The following SRCIN1 variants were observed in gnomAD, a reference collection of about 807,000 sequenced individuals.
SRCIN1 encodes P130Cas-associated protein.
In SRCIN1, 50 loss-of-function variants were observed where a neutral mutation model predicts 116.2. The observed-to-expected ratio is 0.43, with a 90% CI of 0.34 to 0.54. The LOEUF (loss-of-function observed/expected upper bound fraction) is 0.54, where lower values mean the gene tolerates loss of function less well. Ranked by LOEUF, SRCIN1 falls within the 20% of genes least tolerant of loss-of-function variation. SRCIN1 has a pLI of 0.02. For missense variants in SRCIN1, 1,446 were observed against 1,672.0 expected (o/e 0.86, Z 2.36); for synonymous variants, 736 against 750.0 (o/e 0.98, Z 0.30).
chr17:38,548,273 G>C (rs776099702), intron 17 of SRCIN1, among the ~76,000 whole-genome samples: 1 of 152,150 alleles, frequency 6.6e-6, no homozygotes, highest in Non-Finnish European at 1.5e-5. Context: ...CAGAATCTTC[G>C]GATACGGGAC....
chr17:38,547,415 C>G (rs898534819), intron 17 of SRCIN1, among the ~76,000 whole-genome samples: 2 of 152,192 alleles, frequency 1.3e-5, no homozygotes, highest in African/African-American at 4.8e-5. Context: ...TGGCCACACT[C>G]AGCCTTCGGG....
Position 38,564,266 on chromosome 17 carries a change from G to A in SRCIN1, c.393C>T (p.Asp131=), listed in dbSNP as rs374417442. 6.6e-5 allele frequency: 104 copies of A among 1,573,908 alleles called. No homozygotes were observed. Among genetic ancestry groups the A allele is most frequent in the Admixed American group, 1.5e-4 (8 of 54,652 alleles). The change falls in exon 4 of 19, where the codon GAC becomes GAT. Residue 131 remains aspartate, a synonymous_variant. Transcript: ENST00000617146. Reference sequence around the variant, plus strand: ...AGGCGTAGGACAGCTTTGCCGCCTGGTCTGCCAGCCCGGGCTGGGCTCCCT... The same window carrying A: ...AGGCGTAGGACAGCTTTGCCGCCTGATCTGCCAGCCCGGGCTGGGCTCCCT... ...HTQGAQPGLA[D]QAAKLSYASA... is the part of the protein sequence containing the mutation.
chr17:38,561,889 C>G lies in SRCIN1; in HGVS notation c.1274G>C (p.Gly425Ala), dbSNP rs2143185876. 6 of 1,445,544 alleles carry G rather than the reference C, an allele frequency of 4.2e-6. No homozygotes were observed. The highest frequency in any genetic ancestry group is 1.8e-6 in the Non-Finnish European group (2 of 1,115,390). The allele number at this position is 1,445,544 out of a possible 1,614,324, so 89.5% of individuals were successfully genotyped here. A position where few individuals can be genotyped will look rare whatever the true frequency, so the allele number is the denominator to read the frequency against. The change falls in exon 7 of 19, where the codon GGC becomes GCC. Residue 425 changes from glycine (G) to alanine (A), a missense_variant. By Grantham distance (60) the Gly-to-Ala change is moderately conservative. This residue lies in a region of SRCIN1 where 239 missense variants were observed against 317.7 expected (regional missense o/e 0.75). Transcript: ENST00000617146. The part of the protein sequence containing the change: ...GDPFAYPGAG[G>A]LYKRGSVRSL... Reference sequence around the variant, plus strand: ...GCGCACCGAGCCGCGCTTGTAGAGGCCGCCGGCGCCCGGGTAGGCGAACGG... The same window carrying G: ...GCGCACCGAGCCGCGCTTGTAGAGGGCGCCGGCGCCCGGGTAGGCGAACGG...
chr17:38,542,374 C>A, intron 18 of SRCIN1: 1 of 152,736 alleles, frequency 6.5e-6, no homozygotes. Flanking sequence ...CCTCAGTTTC[C>A]GCCCCCGTCA....
chr17:38,539,122 T>C (rs755844599), intron 18 of SRCIN1, among the ~76,000 whole-genome samples: 18 of 152,230 alleles, frequency 1.2e-4, no homozygotes, highest in Admixed American at 3.3e-4. Flanking sequence ...AAATATTTAC[T>C]GAGTGCCTAC....
At chr17:38,535,177 G>A (rs954610752) in intron 18 of SRCIN1, among the ~76,000 whole-genome samples, 5 of 150,760 alleles carry the variant, frequency 3.3e-5, no homozygotes, top group African/African-American at 4.9e-5. Flanking sequence ...AAGTTAAAGC[G>A]AAAATTCCCC....
chr17:38,577,243 T>G (rs779184979), intron 2 of SRCIN1, among the ~76,000 whole-genome samples: 2 of 152,184 alleles, frequency 1.3e-5, no homozygotes, highest in Non-Finnish European at 2.9e-5. Context: ...CCCAGCTAGA[T>G]GACAAATGCC....
At chr17:38,537,209 A>T (rs1210704366) in intron 18 of SRCIN1, among the ~76,000 whole-genome samples, 1 of 151,062 alleles carries the variant, frequency 6.6e-6, no homozygotes, top group African/African-American at 2.4e-5. Context: ...AAATAAAAAC[A>T]GCTGTGTGAA....
chr17:38,556,478 A>C (rs1192188449), intron 11 of SRCIN1, among the ~76,000 whole-genome samples: 1 of 152,268 alleles, frequency 6.6e-6, no homozygotes. Flanking sequence ...AACTTCCAGC[A>C]AGTTGCCAGG....
Position 38,578,724 on chromosome 17 carries a change from G to C in SRCIN1, c.90C>G (p.Thr30=), listed in dbSNP as rs754847741. The C allele has an allele frequency of 6.5e-7, 1 of 1,532,536 alleles. No homozygotes were observed. 94.9% of individuals were successfully genotyped at this position (1,532,536 alleles called of 1,614,324 possible). The change falls in exon 2 of 19, where the codon ACC becomes ACG. Residue 30 remains threonine (T), a synonymous_variant. Coordinates refer to ENST00000617146, the MANE Select transcript of SRCIN1 (RefSeq NM_025248.3). Reference sequence around the variant, plus strand: ...TGCCCCCGCCGCCCCCGCCCCCCAGGGTCCGGTACTCCCGCGGGTACTCCG... The same window carrying C: ...TGCCCCCGCCGCCCCCGCCCCCCAGCGTCCGGTACTCCCGCGGGTACTCCG... The part of the protein sequence containing the change: ...DDAEYPREYR[T]LGGGGGGGSG...
intron 15 of SRCIN1, among the ~76,000 whole-genome samples, chr17:38,549,888 C>G (rs558673958): frequency 6.6e-6 from 1 of 152,208 alleles, no homozygotes; most frequent in African/African-American, 2.4e-5. Context: ...CACACACACA[C>G]CTTCAGGCGT....
intron 1 of SRCIN1, among the ~76,000 whole-genome samples, chr17:38,597,843 C>T (rs564801314): frequency 1.3e-5 from 2 of 152,236 alleles, no homozygotes; most frequent in African/African-American, 2.4e-5. Flanking sequence ...GGCTCTGCCT[C>T]GTCCTAAGAG....
chr17:38,564,359 C>A (rs58304785), intron 3 of SRCIN1, 46 bp from the exon 4 acceptor site: 2 of 1,380,140 alleles, frequency 1.4e-6, no homozygotes, highest in Non-Finnish European at 9.5e-7. Context: ...TGAGCACCCC[C>A]CCTCCCCTTT....
In SRCIN1 at chr17:38,562,463, C is replaced by G; in HGVS notation, c.835-135G>C. On this transcript the variant is annotated intron_variant, in intron 6 of 18. Transcript: ENST00000617146. This position sits in a 1 kb window ranked among gnomAD's most constrained non-coding sequence, Gnocchi z 4.2. ...TCTCTGCCCTCCCTCCATCCTGCTG[C>G]GTCTAGGGTCCCTTTCCCATCAGGG... 9.2e-7 allele frequency: 1 copy of G among 1,092,410 alleles called. No individual in the cohort carries two copies. Among genetic ancestry groups the G allele is most frequent in the Non-Finnish European group, 1.2e-6 (1 of 810,338 alleles). 67.7% of individuals were successfully genotyped at this position (1,092,410 alleles called of 1,614,324 possible). A position where few individuals can be genotyped will look rare whatever the true frequency, so the allele number is the denominator to read the frequency against.
At chr17:38,559,515 G>T in intron 10 of SRCIN1, 70 bp downstream of exon 10, 1 of 1,504,128 alleles carries the variant, frequency 6.6e-7, no homozygotes, top group East Asian at 2.3e-5. Context: ...GGGATGGGGC[G>T]GGACTTGCGG....
At position 38,551,960 on chromosome 17, in the gene SRCIN1, G is replaced by A. The variant is rs776427338; in HGVS notation, c.2653C>T (p.Pro885Ser). 10 of 1,614,078 alleles carry A rather than the reference G, an allele frequency of 6.2e-6. No individual in the cohort carries two copies. The South Asian group carries it at 9.9e-5, about 16-fold the overall frequency. The change falls in exon 14 of 19, where the codon CCC becomes TCC. Residue 885 changes from proline (P) to serine (S), a missense_variant. This residue lies in a region of SRCIN1 where 531 missense variants were observed against 633.9 expected (regional missense o/e 0.84). Transcript: ENST00000617146. Reference sequence around the variant, plus strand: ...CCTTTGGTGGGGTTGCCCCCCTTGGGGGTAAGAGAGGCTCCTTCAGCTGGC... The same window carrying A: ...CCTTTGGTGGGGTTGCCCCCCTTGGAGGTAAGAGAGGCTCCTTCAGCTGGC... ...SGPAEGASLT[P>S]KGGNPTKGLD... is the part of the protein sequence containing the mutation.
At chr17:38,573,270 C>A (rs1383370545) in intron 2 of SRCIN1, among the ~76,000 whole-genome samples, 1 of 152,224 alleles carries the variant, frequency 6.6e-6, no homozygotes, top group African/African-American at 2.4e-5. Flanking sequence ...GCCTTTAACT[C>A]TCCCGTGACT....
At chr17:38,589,870 C>T (rs1017047427) in intron 1 of SRCIN1, among the ~76,000 whole-genome samples, 4 of 152,174 alleles carry the variant, frequency 2.6e-5, no homozygotes. Flanking sequence ...TGTTAGTATC[C>T]CGAGAGACTC....
chr17:38,540,597 T>A (rs1012993158), intron 18 of SRCIN1, among the ~76,000 whole-genome samples: 1 of 151,744 alleles, frequency 6.6e-6, no homozygotes, highest in African/African-American at 2.4e-5. Flanking sequence ...GTCCCACCAG[T>A]GACCCGCATG....
Sources: allele counts gnomAD v4.1 joint callset (sites outside exome capture counted in the v4.1 genomes callset), GRCh38; gene constraint gnomAD v4.1.1; regional missense constraint gnomAD v4.1.1; non-coding constraint Gnocchi (gnomAD v3.1); transcripts MANE v1.5; gene names NCBI Gene and HGNC (gene_info 2026-07-23, HGNC 2026-07-21).